Variants in THRAP3 observed in about 807,000 individuals in gnomAD.
THRAP3 encodes the protein thyroid hormone receptor associated protein 3.
In THRAP3, 16 loss-of-function variants were observed where a neutral mutation model predicts 101.0. The observed-to-expected ratio is 0.16, with a 90% CI of 0.11 to 0.24. The LOEUF (loss-of-function observed/expected upper bound fraction) is 0.24. THRAP3 is among the 10% of genes least tolerant of loss of function. The probability of loss-of-function intolerance (pLI) is 1.00; values close to 1 mark genes in which losing one functional copy is unlikely to be tolerated. For missense variants in THRAP3, 989 were observed against 1,202.7 expected, an observed-to-expected ratio of 0.82 and a Z score of 2.63; for synonymous variants, 407 against 422.6, an observed-to-expected ratio of 0.96 and a Z score of 0.45.
upstream of THRAP3, among the ~76,000 whole-genome samples, chr1:36,220,600 T>C (rs889533004): frequency 5.3e-5 from 8 of 152,032 alleles, no homozygotes; most frequent in Non-Finnish European, 1.0e-4. Context: ...CCCAGCACTT[T>C]AGAAACCCAG....
chr1:36,285,725 CAA>C (rs1439051629), intron 3 of THRAP3, among the ~76,000 whole-genome samples: 1 of 152,140 alleles, frequency 6.6e-6, no homozygotes, highest in African/African-American at 2.4e-5. Flanking sequence ...TTTTAAAAAA[CAA>C]TATTTTATGT....
intron 2 of THRAP3, among the ~76,000 whole-genome samples, chr1:36,267,649 AGG>A (rs1557432622): frequency 2.6e-4 from 18 of 69,422 alleles, no homozygotes; most frequent in African/African-American, 3.5e-4. Flanking sequence ...ATAGTCAAAC[AGG>A]AGGCCAGAGC....
At chr1:36,220,974 T>TAG (rs1644900570), upstream of THRAP3, among the ~76,000 whole-genome samples, 1 of 75,358 alleles carries the variant, frequency 1.3e-5, no homozygotes, top group African/African-American at 6.1e-5. Flanking sequence ...AAAAAAAAAA[T>TAG]ATATATATAT....
intron 2 of THRAP3, among the ~76,000 whole-genome samples, chr1:36,267,164 G>A (rs942279205): frequency 4.6e-5 from 7 of 152,080 alleles, no homozygotes; most frequent in African/African-American, 7.2e-5. Context: ...TATTACAGGC[G>A]TGAGCCACCG....
intron 1 of THRAP3, among the ~76,000 whole-genome samples, chr1:36,226,315 AG>A (rs2124319834): frequency 6.6e-6 from 1 of 152,322 alleles, no homozygotes; most frequent in East Asian, 1.9e-4. Flanking sequence ...GCTGGAGTGC[AG>A]GGGCACAATC....
Position 36,304,165 on chromosome 1 carries a change from A to T in THRAP3, c.*148A>T. The T allele has an allele frequency of 8.0e-7, 1 of 1,254,170 alleles. No individual in the cohort carries two copies. The highest frequency in any genetic ancestry group is 1.8e-5 in the South Asian group (1 of 55,870). 77.7% of individuals were successfully genotyped at this position (1,254,170 alleles called of 1,614,324 possible). ...CACAGATTGTACTACCGCGAGAGGC[A>T]TCCCTGGCGCTGTCTCCCACTGGAC... On this transcript the variant is annotated 3_prime_UTR_variant, in exon 12 of 12. Transcript: ENST00000354618.
At chr1:36,271,484 T>A (rs1645590656) in intron 2 of THRAP3, among the ~76,000 whole-genome samples, 1 of 152,104 alleles carries the variant, frequency 6.6e-6, no homozygotes, top group Non-Finnish European at 1.5e-5. Context: ...GGTTTCACCA[T>A]GTTGGTCAGG....
At chr1:36,274,082 A>AGT (rs1432165912) in intron 2 of THRAP3, among the ~76,000 whole-genome samples, 143 of 2,032 alleles carry the variant, frequency 0.07, no homozygotes, top group Middle Eastern at 0.5. Flanking sequence ...TGTGTCACAC[A>AGT]CACACACACA....
At chr1:36,303,061 T>G (rs1310729787) in intron 11 of THRAP3, among the ~76,000 whole-genome samples, 1 of 151,888 alleles carries the variant, frequency 6.6e-6, no homozygotes, top group Non-Finnish European at 1.5e-5. Context: ...TTCTCCTGCG[T>G]CAGCTTCCTG....
intron 2 of THRAP3, among the ~76,000 whole-genome samples, chr1:36,266,246 G>C (rs1364717816): frequency 6.6e-6 from 1 of 151,500 alleles, no homozygotes; most frequent in Non-Finnish European, 1.5e-5. Context: ...TTGAGCCCAA[G>C]ATGCAGAGGT....
At chr1:36,256,053 G>A (rs1645369901) in intron 1 of THRAP3, among the ~76,000 whole-genome samples, 1 of 151,830 alleles carries the variant, frequency 6.6e-6, no homozygotes, top group Non-Finnish European at 1.5e-5. Context: ...GTCTTGCTCT[G>A]TCACCTAGGC....
the THRAP3 span, among the ~76,000 whole-genome samples, chr1:36,215,910 C>G: frequency 6.6e-6 from 1 of 151,868 alleles, no homozygotes; most frequent in Admixed American, 6.6e-5. Context: ...CCATCACGCC[C>G]GGCTAATTTT....
At chr1:36,216,899 T>C in the THRAP3 span, among the ~76,000 whole-genome samples, 1 of 152,248 alleles carries the variant, frequency 6.6e-6, no homozygotes, top group Non-Finnish European at 1.5e-5. Flanking sequence ...TGTGCTATCA[T>C]AGCATATACC....
intron 1 of THRAP3, among the ~76,000 whole-genome samples, chr1:36,224,736 G>A (rs1156501305): frequency 6.6e-6 from 1 of 152,134 alleles, no homozygotes; most frequent in Non-Finnish European, 1.5e-5. Context: ...CAAGGCTCTT[G>A]GTCGCCTTCT....
intron 9 of THRAP3, among the ~76,000 whole-genome samples, chr1:36,299,179 G>A (rs1455640908): frequency 6.6e-6 from 1 of 151,948 alleles, no homozygotes; most frequent in South Asian, 2.1e-4. Flanking sequence ...GGTGGCTCAC[G>A]CCTGTAATCC....
At chr1:36,248,447 C>CTT (rs35044035) in intron 1 of THRAP3, among the ~76,000 whole-genome samples, 2 of 112,280 alleles carry the variant, frequency 1.8e-5, no homozygotes, top group East Asian at 2.7e-4. Context: ...GCCTCAGCCT[C>CTT]TTTTTTTTTT....
At chr1:36,221,665 C>G (rs944978490), upstream of THRAP3, among the ~76,000 whole-genome samples, 12 of 152,218 alleles carry the variant, frequency 7.9e-5, no homozygotes, top group Non-Finnish European at 1.3e-4. Flanking sequence ...CTCACTGCAA[C>G]CTCCGCCTCT....
In THRAP3 at chr1:36,229,401, T is replaced by G. The variant is rs552992562; in HGVS notation, c.-135+4896T>G. ...GTGAGCCACCGTGTCTGGTCTACAG[T>G]TTTTTTTTTTGTTTTTTTTTTGTTT... On this transcript the variant is annotated intron_variant, in intron 1 of 11. Transcript: ENST00000354618. Among the ~76,000 whole-genome samples, 561 of 110,000 alleles carry G rather than the reference T, an allele frequency of 5.1e-3. 5 individuals are homozygous for G. The highest frequency in any genetic ancestry group is 0.017 in the African/African-American group (533 of 31,816). 72.2% of individuals were successfully genotyped at this position (110,000 alleles called of 152,430 possible). A position where few individuals can be genotyped will look rare whatever the true frequency, so the allele number is the denominator to read the frequency against.
intron 1 of THRAP3, among the ~76,000 whole-genome samples, chr1:36,244,422 C>T (rs1446984589): frequency 6.6e-6 from 1 of 152,112 alleles, no homozygotes; most frequent in African/African-American, 2.4e-5. Flanking sequence ...ATGGATTCTC[C>T]AGCATGAGCA....
Sources: gnomAD v4.1 joint callset for allele counts (sites outside exome capture counted in the v4.1 genomes callset) on GRCh38, gnomAD v4.1.1 for gene constraint, MANE v1.5 for transcripts, NCBI Gene and HGNC (gene_info 2026-07-23, HGNC 2026-07-21) for gene names.